FCRL2: variants seen among roughly 807,000 people sequenced by gnomAD.
The protein encoded by FCRL2 is Fc receptor like 2, also known as Fc receptor-like protein 2.
Under a neutral mutation model 59.8 loss-of-function variants are expected in FCRL2, and 48 were observed. That is an observed-to-expected ratio of 0.80 (90% CI 0.64 to 1.02). The LOEUF is 1.02. Among genes scored for constraint, FCRL2 ranks in the 50% least tolerant of loss-of-function variants. The pLI, the probability that FCRL2 is intolerant of heterozygous loss-of-function variation, is 0.00. For missense variants in FCRL2, 658 were observed against 597.3 expected (o/e 1.10, Z -1.06); for synonymous variants, 251 against 229.5 (o/e 1.09, Z -0.85).
In FCRL2 at chr1:157,745,964, T is replaced by C. The variant is rs1241686599; in HGVS notation, c.*772A>G. ...TAAGTTATGTTTACACTCAAGTCGATGCACATAAAGAAGAAAATCTGGAGG... is the reference window on the plus strand; with the variant it reads ...TAAGTTATGTTTACACTCAAGTCGACGCACATAAAGAAGAAAATCTGGAGG... On this transcript the variant is annotated 3_prime_UTR_variant, in exon 12 of 12. Transcript: ENST00000361516. 1 of 152,108 alleles carries C rather than the reference T, an allele frequency of 6.6e-6. No individual in the cohort carries two copies. Among genetic ancestry groups the C allele is most frequent in the Admixed American group, 6.5e-5 (1 of 15,272 alleles). 9.4% of individuals were successfully genotyped at this position (152,108 alleles called of 1,614,324 possible).
chr1:157,759,301 G>C (rs1224135888), intron 7 of FCRL2, among the ~76,000 whole-genome samples: 1 of 152,124 alleles, frequency 6.6e-6, no homozygotes, highest in Non-Finnish European at 1.5e-5. Flanking sequence ...ACCCAGTCTT[G>C]AGTATTTCTT....
rs559892849 is a variant in FCRL2, at chr1:157,769,732, C to G, written c.595+134G>C. The G allele has an allele frequency of 1.8e-5, 21 of 1,173,390 alleles. No homozygotes were observed. In the African/African-American group the frequency reaches 3.2e-4, roughly 18 times the overall value. The allele number at this position is 1,173,390 out of a possible 1,614,324, so 72.7% of individuals were successfully genotyped here. A position where few individuals can be genotyped will look rare whatever the true frequency, so the allele number is the denominator to read the frequency against. On this transcript the variant is annotated intron_variant, in intron 4 of 11. Transcript: ENST00000361516. ...GTGAGCCACCGCGCCCGGCCGCAAC[C>G]TGGAGGGTTTTTCTAGCTTAATTTT...
rs533826826 is a variant in FCRL2, at chr1:157,774,361, G to A, written c.52+1414C>T. ...AGTGACTGCCCAGCCTACATAGCAGGTATATAGCAAAGCCATGATTTCAAT... is the reference window on the plus strand; with the variant it reads ...AGTGACTGCCCAGCCTACATAGCAGATATATAGCAAAGCCATGATTTCAAT... On this transcript the variant is annotated intron_variant, in intron 2 of 11. Transcript: ENST00000361516. The A allele has an allele frequency of 1.7e-4, 75 of 450,972 alleles. 1 individual carries two copies. Among genetic ancestry groups the A allele is most frequent in the South Asian group, 1.1e-3 (71 of 63,712 alleles). 27.9% of individuals were successfully genotyped at this position (450,972 alleles called of 1,614,324 possible).
Position 157,768,569 on chromosome 1 carries a change from G to T in FCRL2, c.728C>A (p.Ala243Asp). 6.2e-7 allele frequency: 1 copy of T among 1,614,206 alleles called. No homozygotes were observed. Among genetic ancestry groups the T allele is most frequent in the East Asian group, 2.2e-5 (1 of 44,880 alleles). The change falls in exon 5 of 12, where the codon GCC (alanine) becomes GAC (aspartate). Residue 243 changes from alanine (A) to aspartate (D), a missense_variant. By Grantham distance (126) the Ala-to-Asp change is moderately radical (BLOSUM62 -2). Transcript: ENST00000361516. ...GNVTFSWYRE[A>D]TGTSMGKKTQ... Reference sequence around the variant, plus strand: ...TTTCTTTCCCATACTGGTTCCTGTGGCCTCTCTGTACCAGGAGAATGTGAC... The same window carrying T: ...TTTCTTTCCCATACTGGTTCCTGTGTCCTCTCTGTACCAGGAGAATGTGAC...
Position 157,763,499 on chromosome 1 carries a change from T to A in FCRL2, c.1279+3356A>T, listed in dbSNP as rs12086770. On this transcript the variant is annotated intron_variant, in intron 7 of 11. Coordinates refer to ENST00000361516, the MANE Select transcript of FCRL2 (RefSeq NM_030764.4). ...AAGAACACACCATTGTGCTCCAGCC[T>A]GGGTGACAAGAGTGAAAACTCCATC... Among the ~76,000 whole-genome samples, 778 of 152,244 alleles carry A rather than the reference T, an allele frequency of 5.1e-3. 7 individuals carry two copies. Among genetic ancestry groups the A allele is most frequent in the African/African-American group, 0.017 (706 of 41,542 alleles).
At chr1:157,767,130 A>G (rs1260494552) in intron 6 of FCRL2, 101 bp downstream of exon 6, 2 of 1,433,764 alleles carry the variant, frequency 1.4e-6, no homozygotes, top group African/African-American at 2.9e-5. Flanking sequence ...GCCACTGGAC[A>G]CTGAGATCAC....
chr1:157,763,567 G>C (rs145922984), intron 7 of FCRL2, among the ~76,000 whole-genome samples: 2 of 152,000 alleles, frequency 1.3e-5, no homozygotes, highest in Non-Finnish European at 2.9e-5. Flanking sequence ...TTATAGACTC[G>C]CTGAATGGGT....
chr1:157,746,238 A>G lies in FCRL2; in HGVS notation c.*498T>C, dbSNP rs1265701269. The G allele has an allele frequency of 6.4e-6, 1 of 155,064 alleles. No homozygotes were observed. The highest frequency in any genetic ancestry group is 1.4e-5 in the Non-Finnish European group (1 of 69,920). 9.6% of individuals were successfully genotyped at this position (155,064 alleles called of 1,614,324 possible). A position where few individuals can be genotyped will look rare whatever the true frequency, so the allele number is the denominator to read the frequency against. ...GAAGGGCTCCTGCCTAACTCATTCT[A>G]TGAAGCCAGCATCAGCCTGATACAA... On this transcript the variant is annotated 3_prime_UTR_variant, in exon 12 of 12. Transcript: ENST00000361516.
At chr1:157,774,427 A>C (rs1461746370) in intron 2 of FCRL2, 5 of 456,498 alleles carry the variant, frequency 1.1e-5, no homozygotes, top group Non-Finnish European at 2.2e-5. Flanking sequence ...TTTCCAGTAC[A>C]TCATGCTGAA....
chr1:157,773,067 A>G (rs1650147248), intron 2 of FCRL2, among the ~76,000 whole-genome samples: 1 of 152,180 alleles, frequency 6.6e-6, no homozygotes, highest in South Asian at 2.1e-4. Context: ...CTTCTGCCCG[A>G]GAAGTAGAAG....
At chr1:157,753,236 C>G (rs753052345) in intron 7 of FCRL2, among the ~76,000 whole-genome samples, 1 of 152,164 alleles carries the variant, frequency 6.6e-6, no homozygotes, top group African/African-American at 2.4e-5. Context: ...AGTCCTGATA[C>G]TACTCAGAGT....
At chr1:157,756,542 T>C (rs1168718943) in intron 7 of FCRL2, among the ~76,000 whole-genome samples, 1 of 152,092 alleles carries the variant, frequency 6.6e-6, no homozygotes, top group Non-Finnish European at 1.5e-5. Flanking sequence ...TAGCAAGGCA[T>C]GGCGAGCATG....
intron 2 of FCRL2, 25 bp from the exon 3 acceptor site, chr1:157,770,691 A>T (rs1649945906): frequency 6.2e-7 from 1 of 1,612,848 alleles, no homozygotes; most frequent in Non-Finnish European, 8.5e-7. Context: ...GGGAAACCGG[A>T]TTTGCCATTT....
At chr1:157,750,390 G>T (rs972605873) in intron 7 of FCRL2, among the ~76,000 whole-genome samples, 1 of 152,212 alleles carries the variant, frequency 6.6e-6, no homozygotes, top group Non-Finnish European at 1.5e-5. Context: ...AGTATCGCTT[G>T]TAACACCCAT....
chr1:157,771,190 T>C (rs1457542878), intron 2 of FCRL2, among the ~76,000 whole-genome samples: 4 of 152,174 alleles, frequency 2.6e-5, no homozygotes, highest in Non-Finnish European at 5.9e-5. Flanking sequence ...ATTCAGTCTA[T>C]TGCAGGGGTG....
intron 4 of FCRL2, 144 bp downstream of exon 4, chr1:157,769,722 C>T (rs563212540): frequency 2.2e-5 from 22 of 1,014,728 alleles, no homozygotes; most frequent in Admixed American, 1.9e-4. Flanking sequence ...CCACCGCGCC[C>T]GGCCGCAACC....
chr1:157,763,840 C>T (rs1413017316), intron 7 of FCRL2, among the ~76,000 whole-genome samples: 1 of 152,120 alleles, frequency 6.6e-6, no homozygotes, highest in Admixed American at 6.5e-5. Context: ...AACATCCTGG[C>T]CAACATGGTG....
intron 7 of FCRL2, among the ~76,000 whole-genome samples, chr1:157,766,285 C>G (rs944436240): frequency 3.3e-5 from 5 of 152,182 alleles, no homozygotes; most frequent in African/African-American, 1.2e-4. Flanking sequence ...TCCTGGCTAA[C>G]ATGGTGAAAC....
At chr1:157,768,016 T>A (rs1322107352) in intron 5 of FCRL2, 1 of 239,792 alleles carries the variant, frequency 4.2e-6, no homozygotes, top group Non-Finnish European at 8.0e-6. Context: ...TGGCTCCAAA[T>A]GTCTCCCTTT....
Sources: allele counts gnomAD v4.1 joint callset (sites outside exome capture counted in the v4.1 genomes callset), GRCh38; gene constraint gnomAD v4.1.1; transcripts MANE v1.5; gene names NCBI Gene and HGNC (gene_info 2026-07-23, HGNC 2026-07-21).